The following DLC1 variants were observed in gnomAD, a reference collection of about 807,000 sequenced individuals.
DLC1 encodes DLC1 Rho GTPase activating protein, also known as rho GTPase-activating protein 7.
Under a neutral mutation model 140.3 loss-of-function variants are expected in DLC1, and 54 were observed. The ratio of observed to expected loss-of-function variants is 0.38; its 90% CI spans 0.31 to 0.48. The LOEUF (loss-of-function observed/expected upper bound fraction) is 0.48, where lower values mean the gene tolerates loss of function less well. Ranked by LOEUF, DLC1 falls within the 20% of genes least tolerant of loss-of-function variation. The pLI is 0.96. For missense variants in DLC1, 2,536 were observed against 1,907.0 expected, an observed-to-expected ratio of 1.33 and a Z score of -6.14; for synonymous variants, 986 against 728.1, an observed-to-expected ratio of 1.35 and a Z score of -5.70.
intron 3 of DLC1, among the ~76,000 whole-genome samples, chr8:13,395,594 C>G (rs920118689): frequency 6.6e-6 from 1 of 152,122 alleles, no homozygotes; most frequent in Admixed American, 6.5e-5. Context: ...AATATTAATA[C>G]CTTTTCTTCC....
chr8:13,108,295 A>G (rs1050068517), intron 7 of DLC1, among the ~76,000 whole-genome samples: 1 of 152,082 alleles, frequency 6.6e-6, no homozygotes, highest in South Asian at 2.1e-4. Flanking sequence ...CACATACTCA[A>G]ATTGGGGCCT....
chr8:13,338,365 C>T (rs1833893316), intron 4 of DLC1, among the ~76,000 whole-genome samples: 1 of 152,154 alleles, frequency 6.6e-6, no homozygotes, highest in Non-Finnish European at 1.5e-5. Flanking sequence ...GTAGCTGGCA[C>T]CCTAGCTGAG....
intron 4 of DLC1, among the ~76,000 whole-genome samples, chr8:13,377,954 T>G (rs1836076081): frequency 6.6e-6 from 1 of 151,440 alleles, no homozygotes; most frequent in Non-Finnish European, 1.5e-5. Context: ...ACTTAACATG[T>G]TTTTATCAAA....
At chr8:13,225,852 C>G (rs141443362) in intron 5 of DLC1, among the ~76,000 whole-genome samples, 3 of 151,944 alleles carry the variant, frequency 2.0e-5, no homozygotes, top group Non-Finnish European at 4.4e-5. Context: ...CCTGACCTCG[C>G]GATCCGCCTG....
chr8:13,196,721 C>T (rs1417043948), intron 5 of DLC1, among the ~76,000 whole-genome samples: 1 of 152,204 alleles, frequency 6.6e-6, no homozygotes, highest in African/African-American at 2.4e-5. Context: ...GAGAACATCT[C>T]ATTTATGTCA....
intron 5 of DLC1, among the ~76,000 whole-genome samples, chr8:13,149,516 T>A (rs751389756): frequency 4.6e-5 from 7 of 152,210 alleles, no homozygotes; most frequent in Non-Finnish European, 1.0e-4. Context: ...GTATTTGCCC[T>A]CTCTGTGTCT....
chr8:13,230,060 G>A (rs189921702), intron 5 of DLC1, among the ~76,000 whole-genome samples: 1 of 152,160 alleles, frequency 6.6e-6, no homozygotes, highest in African/African-American at 2.4e-5. Flanking sequence ...AAAGGACACT[G>A]GGAACTTTGT....
intron 2 of DLC1, among the ~76,000 whole-genome samples, chr8:13,453,828 T>A (rs1799268088): frequency 6.6e-6 from 1 of 151,902 alleles, no homozygotes; most frequent in Non-Finnish European, 1.5e-5. Flanking sequence ...CTACTATATG[T>A]ATTAGGATGT....
intron 2 of DLC1, among the ~76,000 whole-genome samples, chr8:13,479,847 G>GAAAGA (rs1563383570): frequency 5.7e-4 from 12 of 21,114 alleles, no homozygotes; most frequent in Non-Finnish European, 1.5e-3. Context: ...AGAAGAAGAA[G>GAAAGA]AAGAAGAAGA....
In DLC1 at chr8:13,158,729, A is replaced by ACCCCCCC. The variant is rs1585799460; in HGVS notation, c.1349-43073_1349-43072insGGGGGGG. Among the ~76,000 whole-genome samples, 16 of 20,180 alleles carry ACCCCCCC rather than the reference A, an allele frequency of 7.9e-4. 1 individual carries two copies. Among genetic ancestry groups the ACCCCCCC allele is most frequent in the South Asian group, 2.7e-3 (1 of 366 alleles). The allele number at this position is 20,180 out of a possible 152,430, so 13.2% of individuals were successfully genotyped here. On this transcript the variant is annotated intron_variant, in intron 5 of 17. Transcript: ENST00000276297. ...GCTAGAGTTAATGTTCACAACCACCACCCTCCCCCCCCCCCCCCGCCCGCC... is the reference window on the plus strand; with the variant it reads ...GCTAGAGTTAATGTTCACAACCACCACCCCCCCCCCTCCCCCCCCCCCCCCGCCCGCC...
intron 4 of DLC1, among the ~76,000 whole-genome samples, chr8:13,332,457 G>A (rs905972217): frequency 1.0e-4 from 15 of 150,678 alleles, no homozygotes; most frequent in Admixed American, 2.6e-4. Context: ...TTAAGATGGG[G>A]TCTCGCTGTT....
chr8:13,141,058 C>T (rs1032776851), intron 5 of DLC1, among the ~76,000 whole-genome samples: 4 of 143,748 alleles, frequency 2.8e-5, no homozygotes, highest in African/African-American at 1.0e-4. Context: ...AGTTCGAGAC[C>T]AGCCTGACCA....
intron 3 of DLC1, 135 bp downstream of exon 3, chr8:13,401,335 T>G (rs1837286527): frequency 1.8e-6 from 2 of 1,120,074 alleles, no homozygotes; most frequent in African/African-American, 3.1e-5. Context: ...AGTATTTTGG[T>G]TATCTTTATG....
At chr8:13,234,340 T>C (rs189357820) in intron 5 of DLC1, among the ~76,000 whole-genome samples, 66 of 152,286 alleles carry the variant, frequency 4.3e-4, no homozygotes, top group African/African-American at 1.5e-3. Context: ...AACTAGATAC[T>C]GGTTCCTCAT....
intron 5 of DLC1, among the ~76,000 whole-genome samples, chr8:13,179,418 A>AT (rs953718559): frequency 3.3e-5 from 5 of 152,114 alleles, no homozygotes; most frequent in African/African-American, 1.2e-4. Flanking sequence ...CTGTATATAT[A>AT]TTTTTTAATA....
intron 2 of DLC1, among the ~76,000 whole-genome samples, chr8:13,443,025 T>C (rs1313657034): frequency 1.3e-5 from 2 of 151,880 alleles, no homozygotes; most frequent in African/African-American, 2.4e-5. Flanking sequence ...TATGCAGCCA[T>C]AAAAAAGGAT....
chr8:13,283,189 A>G (rs1831424665), intron 5 of DLC1, among the ~76,000 whole-genome samples: 1 of 152,134 alleles, frequency 6.6e-6, no homozygotes, highest in Admixed American at 6.5e-5. Flanking sequence ...AATAAATGTT[A>G]TATATGATGG....
intron 4 of DLC1, among the ~76,000 whole-genome samples, chr8:13,358,852 A>G (rs1238960646): frequency 6.6e-6 from 1 of 152,224 alleles, no homozygotes; most frequent in Non-Finnish European, 1.5e-5. Flanking sequence ...ACTATGTTAC[A>G]TAGCATGTTT....
intron 2 of DLC1, among the ~76,000 whole-genome samples, chr8:13,464,585 A>C (rs1585153500): frequency 6.6e-6 from 1 of 150,658 alleles, no homozygotes; most frequent in Non-Finnish European, 1.5e-5. Context: ...CTGTGAATCC[A>C]CCCCCCGCCA....
Sources: allele counts gnomAD v4.1 joint callset (sites outside exome capture counted in the v4.1 genomes callset), GRCh38; gene constraint gnomAD v4.1.1; transcripts MANE v1.5; gene names NCBI Gene and HGNC (gene_info 2026-07-23, HGNC 2026-07-21).